The following PRR16 variants were observed in gnomAD, a reference collection of about 807,000 sequenced individuals.
The protein encoded by PRR16 is protein Largen.
Under a neutral mutation model 18.2 loss-of-function variants are expected in PRR16, and 6 were observed. The ratio of observed to expected loss-of-function variants is 0.33; its 90% CI spans 0.18 to 0.65. PRR16 has a LOEUF of 0.65. Among genes scored for constraint, PRR16 ranks in the 30% least tolerant of loss-of-function variants. The probability of loss-of-function intolerance (pLI) is 0.74; values close to 1 mark genes in which losing one functional copy is unlikely to be tolerated. For missense variants in PRR16, 412 were observed against 376.6 expected (o/e 1.09, Z -0.78); for synonymous variants, 151 against 147.8 (o/e 1.02, Z -0.16).
At chr5:120,776,834 T>C in the PRR16 span, among the ~76,000 whole-genome samples, 39 of 152,158 alleles carry the variant, frequency 2.6e-4, no homozygotes, top group East Asian at 5.6e-3. Flanking sequence ...TCTAAAAGTA[T>C]TGCTCTGTTT....
chr5:120,728,365 A>T, the PRR16 span, among the ~76,000 whole-genome samples: 3 of 150,852 alleles, frequency 2.0e-5, no homozygotes, highest in Non-Finnish European at 3.0e-5. Context: ...GATGTTTCAT[A>T]TTAAACATGA....
At chr5:120,532,144 C>T (rs897785587) in intron 1 of PRR16, among the ~76,000 whole-genome samples, 6 of 151,994 alleles carry the variant, frequency 3.9e-5, no homozygotes, top group Non-Finnish European at 7.4e-5. Context: ...CTATGGGTTG[C>T]GATCCAGGGA....
At chr5:120,497,623 C>G (rs1401494818) in intron 1 of PRR16, among the ~76,000 whole-genome samples, 1 of 151,562 alleles carries the variant, frequency 6.6e-6, no homozygotes, top group Non-Finnish European at 1.5e-5. Context: ...ACTCCTGACC[C>G]TGTGATCTGC....
chr5:120,678,331 A>G (rs1233121973), intron 1 of PRR16, among the ~76,000 whole-genome samples: 1 of 152,150 alleles, frequency 6.6e-6, no homozygotes, highest in Non-Finnish European at 1.5e-5. Flanking sequence ...CTGGGATTGG[A>G]GGGATTAAAG....
At chr5:120,666,773 A>G (rs1279790345) in intron 1 of PRR16, among the ~76,000 whole-genome samples, 8 of 143,512 alleles carry the variant, frequency 5.6e-5, no homozygotes, top group East Asian at 2.0e-4. Context: ...ATTGATTTGC[A>G]TATATTGAAC....
At chr5:120,729,066 C>T in the PRR16 span, among the ~76,000 whole-genome samples, 1,378 of 152,118 alleles carry the variant, frequency 9.1e-3, 13 homozygotes, top group South Asian at 0.013. Flanking sequence ...CATATTTTTG[C>T]TGATTCACTG....
chr5:120,560,097 A>G (rs1015709821), intron 1 of PRR16, among the ~76,000 whole-genome samples: 4 of 151,824 alleles, frequency 2.6e-5, no homozygotes, highest in African/African-American at 9.7e-5. Flanking sequence ...ATAATTTGGT[A>G]TCTTTCATTC....
intron 1 of PRR16, among the ~76,000 whole-genome samples, chr5:120,477,509 T>G (rs936331609): frequency 2.6e-5 from 4 of 152,156 alleles, no homozygotes; most frequent in Non-Finnish European, 4.4e-5. Context: ...TTTTACCTCT[T>G]TCACTGTTAC....
At chr5:120,526,485 A>G (rs1050596303) in intron 1 of PRR16, among the ~76,000 whole-genome samples, 12 of 152,132 alleles carry the variant, frequency 7.9e-5, no homozygotes, top group Middle Eastern at 3.2e-3. Flanking sequence ...TGGCAATAAC[A>G]TGAATTATTG....
intron 1 of PRR16, among the ~76,000 whole-genome samples, chr5:120,588,449 C>CA (rs1753524955): frequency 6.6e-6 from 1 of 152,198 alleles, no homozygotes; most frequent in South Asian, 2.1e-4. Context: ...CTTAGCCCAA[C>CA]ACCACCCTGA....
intron 1 of PRR16, among the ~76,000 whole-genome samples, chr5:120,549,484 G>T (rs1177452421): frequency 2.0e-5 from 3 of 151,858 alleles, no homozygotes; most frequent in Admixed American, 6.6e-5. Flanking sequence ...GCTCTCTGTG[G>T]TCTGTTCCAT....
chr5:120,505,948 A>C (rs7704039), intron 1 of PRR16, among the ~76,000 whole-genome samples: 1 of 84,370 alleles, frequency 1.2e-5, no homozygotes, highest in Non-Finnish European at 2.5e-5. Context: ...GTGTGTGTGT[A>C]TATATATATA....
intron 1 of PRR16, among the ~76,000 whole-genome samples, chr5:120,553,151 A>G (rs1752306551): frequency 6.6e-6 from 1 of 151,912 alleles, no homozygotes; most frequent in Non-Finnish European, 1.5e-5. Context: ...TATAAAAAAA[A>G]AGCAGTGATG....
At chr5:120,705,970 C>G in the PRR16 span, among the ~76,000 whole-genome samples, 2 of 152,138 alleles carry the variant, frequency 1.3e-5, no homozygotes. Context: ...AACATATTTA[C>G]TCAAAAATTC....
At chr5:120,551,812 A>G (rs1367445673) in intron 1 of PRR16, among the ~76,000 whole-genome samples, 1 of 151,968 alleles carries the variant, frequency 6.6e-6, no homozygotes, top group Non-Finnish European at 1.5e-5. Flanking sequence ...AGAAGATACT[A>G]GTAGGTTCTC....
the PRR16 span, among the ~76,000 whole-genome samples, chr5:120,741,081 A>G: frequency 6.6e-6 from 1 of 151,948 alleles, no homozygotes. Context: ...ATTCTTCTGT[A>G]TCTGATATTT....
the PRR16 span, among the ~76,000 whole-genome samples, chr5:120,776,260 A>G: frequency 6.6e-6 from 1 of 152,156 alleles, no homozygotes; most frequent in Non-Finnish European, 1.5e-5. Context: ...AGTCTTTTCC[A>G]GTTCCCCAAA....
rs376475619 is a variant in PRR16, at chr5:120,494,883, A to G, written c.159+30238A>G. 1.5e-4 allele frequency among the ~76,000 whole-genome samples: 23 copies of G among 152,206 alleles called. 1 individual carries two copies. The East Asian group carries it at 3.1e-3, about 20-fold the overall frequency. On this transcript the variant is annotated intron_variant, in intron 1 of 1. Coordinates refer to ENST00000407149, the MANE Select transcript of PRR16 (RefSeq NM_001300783.2). The stretch of plus-strand genomic sequence containing the variant: ...TGAGTTGCTTTTGGTCCTTTATAAA[A>G]AAATCAGTTCTCCACCTTTTTGTTG...
Position 120,566,867 on chromosome 5 carries a change from C to A in PRR16, c.159+102222C>A, listed in dbSNP as rs530198782. On this transcript the variant is annotated intron_variant, in intron 1 of 1. Coordinates refer to ENST00000407149, the MANE Select transcript of PRR16 (RefSeq NM_001300783.2). Reference sequence around the variant, plus strand: ...GGAAAGAACTCTTTCCTTAACTTAGCCAGCATTATTCTGTTTTTAGATTTC... The same window carrying A: ...GGAAAGAACTCTTTCCTTAACTTAGACAGCATTATTCTGTTTTTAGATTTC... 2.6e-5 allele frequency among the ~76,000 whole-genome samples: 4 copies of A among 152,208 alleles called. No homozygotes were observed. The South Asian group carries it at 8.3e-4, about 32-fold the overall frequency.
Sources: allele counts gnomAD v4.1 joint callset (sites outside exome capture counted in the v4.1 genomes callset), GRCh38; gene constraint gnomAD v4.1.1; transcripts MANE v1.5; gene names NCBI Gene and HGNC (gene_info 2026-07-23, HGNC 2026-07-21).